Variants in ZNF385B observed in about 807,000 individuals in gnomAD.
ZNF385B encodes the protein zinc finger protein 533.
In ZNF385B, 23 loss-of-function variants were observed where a neutral mutation model predicts 39.2. The observed-to-expected ratio is 0.59, with a 90% CI of 0.42 to 0.83. ZNF385B has a LOEUF of 0.83. Ranked by LOEUF, ZNF385B falls within the 40% of genes least tolerant of loss-of-function variation. The probability of loss-of-function intolerance (pLI) is 0.00; values close to 1 mark genes in which losing one functional copy is unlikely to be tolerated. For missense variants in ZNF385B, 552 were observed against 598.9 expected, an observed-to-expected ratio of 0.92 and a Z score of 0.82; for synonymous variants, 205 against 222.6, an observed-to-expected ratio of 0.92 and a Z score of 0.70.
intron 3 of ZNF385B, among the ~76,000 whole-genome samples, chr2:179,562,871 T>C (rs1469401172): frequency 6.6e-6 from 1 of 152,210 alleles, no homozygotes. Flanking sequence ...CAAGGGATTA[T>C]TCCCCCTCAG....
At chr2:179,702,262 G>C (rs1021801273) in intron 3 of ZNF385B, among the ~76,000 whole-genome samples, 1 of 152,094 alleles carries the variant, frequency 6.6e-6, no homozygotes, top group African/African-American at 2.4e-5. Flanking sequence ...ATACATGCTA[G>C]TGAAAATCTA....
At chr2:179,859,458 G>C (rs1684868029) in intron 1 of ZNF385B, among the ~76,000 whole-genome samples, 1 of 152,046 alleles carries the variant, frequency 6.6e-6, no homozygotes, top group Admixed American at 6.6e-5. Context: ...AAGCACATAA[G>C]AAACTATGCT....
chr2:179,557,202 T>A (rs1477019770), intron 3 of ZNF385B, among the ~76,000 whole-genome samples: 1 of 149,412 alleles, frequency 6.7e-6, no homozygotes, highest in African/African-American at 2.5e-5. Context: ...AATATTTAAG[T>A]CTGTACAATC....
chr2:179,444,440 T>C (rs2049263738), intron 9 of ZNF385B, among the ~76,000 whole-genome samples: 1 of 152,194 alleles, frequency 6.6e-6, no homozygotes, highest in East Asian at 1.9e-4. Context: ...GAGCACACGA[T>C]ACAGACACCG....
chr2:179,530,041 G>T (rs2059158952), intron 4 of ZNF385B, among the ~76,000 whole-genome samples: 1 of 152,164 alleles, frequency 6.6e-6, no homozygotes, highest in Non-Finnish European at 1.5e-5. Flanking sequence ...AGATTCACTG[G>T]AGTGTAGGTC....
intron 1 of ZNF385B, among the ~76,000 whole-genome samples, chr2:179,791,437 G>A (rs1233037014): frequency 6.6e-6 from 1 of 152,124 alleles, no homozygotes; most frequent in Non-Finnish European, 1.5e-5. Flanking sequence ...TAGAATATTT[G>A]TACAAATGTC....
intron 3 of ZNF385B, among the ~76,000 whole-genome samples, chr2:179,604,654 ATATT>A (rs1401931701): frequency 6.6e-6 from 1 of 151,896 alleles, no homozygotes. Flanking sequence ...TATATTATAA[ATATT>A]TATAAACTGT....
chr2:179,647,010 A>G (rs939021239), intron 3 of ZNF385B, among the ~76,000 whole-genome samples: 1 of 152,210 alleles, frequency 6.6e-6, no homozygotes, highest in Non-Finnish European at 1.5e-5. Flanking sequence ...TTTTAGACAG[A>G]CAGAAACAGA....
chr2:179,471,043 A>C (rs951006440), intron 6 of ZNF385B, among the ~76,000 whole-genome samples: 2 of 152,040 alleles, frequency 1.3e-5, no homozygotes, highest in African/African-American at 4.8e-5. Flanking sequence ...GAGCAGTTAA[A>C]AGCCTTAAAA....
intron 3 of ZNF385B, among the ~76,000 whole-genome samples, chr2:179,591,902 A>T (rs1465214585): frequency 6.6e-6 from 1 of 152,118 alleles, no homozygotes; most frequent in East Asian, 1.9e-4. Flanking sequence ...CGCCCCAGTG[A>T]CTTCAGGTAG....
In ZNF385B at chr2:179,493,763, G is replaced by GTATACATATGTGTA. The variant is rs1559338006; in HGVS notation, c.553-10330_553-10329insTACACATATGTATA. 6.0e-3 allele frequency among the ~76,000 whole-genome samples: 510 copies of GTATACATATGTGTA among 85,208 alleles called. 48 individuals are homozygous for GTATACATATGTGTA. Among genetic ancestry groups the GTATACATATGTGTA allele is most frequent in the Non-Finnish European group, 8.9e-3 (335 of 37,678 alleles). The allele number at this position is 85,208 out of a possible 152,430, so 55.9% of individuals were successfully genotyped here. On this transcript the variant is annotated intron_variant, in intron 5 of 9. Coordinates refer to ENST00000410066, the MANE Select transcript of ZNF385B (RefSeq NM_152520.6). Reference sequence around the variant, plus strand: ...TATACATATGTGTATATACATATATGTATACATATATGTATATACACATAT... The same window carrying GTATACATATGTGTA: ...TATACATATGTGTATATACATATATGTATACATATGTGTATATACATATATGTATATACACATAT...
At chr2:179,808,079 C>G (rs1044107576) in intron 1 of ZNF385B, among the ~76,000 whole-genome samples, 3 of 151,706 alleles carry the variant, frequency 2.0e-5, no homozygotes, top group African/African-American at 7.3e-5. Flanking sequence ...GTCGCCCAGG[C>G]TGGAGTGCAG....
intron 3 of ZNF385B, among the ~76,000 whole-genome samples, chr2:179,739,684 CA>C (rs1157197955): frequency 6.6e-6 from 1 of 152,136 alleles, no homozygotes; most frequent in East Asian, 1.9e-4. Flanking sequence ...GTGGCTGGCA[CA>C]AAATTTACCA....
intron 3 of ZNF385B, among the ~76,000 whole-genome samples, chr2:179,561,621 G>GAA (rs142795610): frequency 0.095 from 13,686 of 144,136 alleles, 745 homozygotes; most frequent in Non-Finnish European, 0.12. Flanking sequence ...TGGCAAAATT[G>GAA]AAAAAAAAAA....
chr2:179,455,753 A>AT lies in ZNF385B; in HGVS notation c.716-8984dup, dbSNP rs570281279. On this transcript the variant is annotated intron_variant, in intron 6 of 9. Transcript: ENST00000410066. ...AAATACAAAAAAAAATTAGCTAGGC[A>AT]TGTTGGCGCATGCCTGTAATCCCAG... Among the ~76,000 whole-genome samples the AT allele has an allele frequency of 8.6e-5, 13 of 151,812 alleles. 1 individual carries two copies. The South Asian group carries it at 2.7e-3, about 32-fold the overall frequency.
chr2:179,480,324 C>G (rs1035040551), intron 6 of ZNF385B, among the ~76,000 whole-genome samples: 1 of 152,180 alleles, frequency 6.6e-6, no homozygotes, highest in African/African-American at 2.4e-5. Context: ...TGAAATAAAA[C>G]ATTTCAGTCA....
chr2:179,672,279 G>C (rs983836492), intron 3 of ZNF385B, among the ~76,000 whole-genome samples: 10 of 152,186 alleles, frequency 6.6e-5, no homozygotes, highest in Non-Finnish European at 1.5e-4. Context: ...CACCACTACA[G>C]TTTAGAAGCA....
intron 3 of ZNF385B, among the ~76,000 whole-genome samples, chr2:179,739,753 T>A (rs920162803): frequency 1.3e-5 from 2 of 152,076 alleles, no homozygotes; most frequent in Non-Finnish European, 2.9e-5. Flanking sequence ...TTAAATCAGT[T>A]GTAGCTGAAG....
intron 3 of ZNF385B, among the ~76,000 whole-genome samples, chr2:179,756,993 C>A (rs941811651): frequency 1.3e-5 from 2 of 152,182 alleles, no homozygotes; most frequent in African/African-American, 4.8e-5. Flanking sequence ...CAGCTTTGTT[C>A]TGTTGCTGGC....
Sources: gnomAD v4.1 joint callset for allele counts (sites outside exome capture counted in the v4.1 genomes callset) on GRCh38, gnomAD v4.1.1 for gene constraint, MANE v1.5 for transcripts, NCBI Gene and HGNC (gene_info 2026-07-23, HGNC 2026-07-21) for gene names.